Variants in MARCHF1 observed in about 807,000 individuals in gnomAD.
MARCHF1 encodes the protein membrane associated ring-CH-type finger 1, also known as E3 ubiquitin-protein ligase MARCHF1.
MARCHF1 carries 40 observed loss-of-function variants against 54.2 expected under a neutral mutation model. The observed-to-expected ratio is 0.74, with a 90% CI of 0.57 to 0.96. MARCHF1 has a LOEUF of 0.96. MARCHF1 is among the 40% of genes least tolerant of loss of function. The pLI is 0.00. For missense variants in MARCHF1, 586 were observed against 656.5 expected (o/e 0.89, Z 1.17); for synonymous variants, 236 against 236.3 (o/e 1.00, Z 0.01).
At chr4:164,183,338 T>A (rs1730883278) in intron 1 of MARCHF1, among the ~76,000 whole-genome samples, 1 of 152,202 alleles carries the variant, frequency 6.6e-6, no homozygotes, top group Admixed American at 6.5e-5. Context: ...GAATTATCTG[T>A]TCAAATCTTT....
rs540403807 is a variant in MARCHF1, at chr4:163,931,617, T to G, written c.-39+56884A>C. Among the ~76,000 whole-genome samples, 8 of 152,326 alleles carry G rather than the reference T, an allele frequency of 5.3e-5. No homozygotes were observed. In the South Asian group the frequency reaches 1.0e-3, roughly 20 times the overall value. The stretch of plus-strand genomic sequence containing the variant: ...CCAGAAAGAAATACATTTCCGTTGT[T>G]TATAAGCTACCAGGCTATGGTATTT... On this transcript the variant is annotated intron_variant, in intron 3 of 9. Coordinates refer to ENST00000514618, the MANE Select transcript of MARCHF1 (RefSeq NM_001394959.1).
rs576499336 is a variant in MARCHF1 at position 164,181,376 on chromosome 4, C to T, written c.-322-69714G>A. ...TCATATATATGTATACACACACAAG[C>T]GCATTATATTTGTACACTATGTATG... On this transcript the variant is annotated intron_variant, in intron 1 of 9. Coordinates refer to ENST00000514618, the MANE Select transcript of MARCHF1 (RefSeq NM_001394959.1). Among the ~76,000 whole-genome samples the T allele has an allele frequency of 2.2e-4, 34 of 152,128 alleles. 1 individual carries two copies. Among genetic ancestry groups the T allele is most frequent in the African/African-American group, 7.5e-4 (31 of 41,508 alleles).
At chr4:164,109,433 A>G (rs545742236) in intron 2 of MARCHF1, among the ~76,000 whole-genome samples, 1 of 152,162 alleles carries the variant, frequency 6.6e-6, no homozygotes, top group East Asian at 1.9e-4. Flanking sequence ...TACAAAACAA[A>G]GAATTGGCCA....
chr4:164,075,597 T>A (rs180688370), intron 2 of MARCHF1, among the ~76,000 whole-genome samples: 32 of 152,328 alleles, frequency 2.1e-4, no homozygotes, highest in Admixed American at 1.2e-3. Context: ...ACTGTGGTCG[T>A]TTGTTACATG....
intron 4 of MARCHF1, among the ~76,000 whole-genome samples, chr4:163,791,128 G>A (rs537762412): frequency 5.3e-4 from 80 of 152,210 alleles, no homozygotes; most frequent in African/African-American, 1.9e-3. Context: ...TTTACGGTAG[G>A]AGAACATTTA....
chr4:163,720,458 G>A (rs28861489), intron 4 of MARCHF1, among the ~76,000 whole-genome samples: 3,785 of 152,284 alleles, frequency 0.025, 160 homozygotes, highest in African/African-American at 0.085. Context: ...AAGTCAGGTA[G>A]TGTGATGCCT....
At chr4:164,118,907 A>G (rs1346475277) in intron 1 of MARCHF1, among the ~76,000 whole-genome samples, 1 of 151,252 alleles carries the variant, frequency 6.6e-6, no homozygotes, top group Non-Finnish European at 1.5e-5. Flanking sequence ...ACTACCATTA[A>G]AAATTACAAA....
intron 3 of MARCHF1, among the ~76,000 whole-genome samples, chr4:163,891,984 A>T (rs890949055): frequency 2.0e-5 from 3 of 152,188 alleles, no homozygotes; most frequent in African/African-American, 7.2e-5. Context: ...GGCACTAAAA[A>T]GTCTCAATAG....
chr4:163,732,580 C>T (rs916086196), intron 4 of MARCHF1, among the ~76,000 whole-genome samples: 6 of 152,134 alleles, frequency 3.9e-5, no homozygotes, highest in African/African-American at 1.2e-4. Flanking sequence ...TAAATTTTCT[C>T]AACCTAATAA....
intron 5 of MARCHF1, among the ~76,000 whole-genome samples, chr4:163,648,620 A>G (rs987391764): frequency 2.0e-5 from 3 of 151,422 alleles, no homozygotes; most frequent in African/African-American, 7.3e-5. Context: ...GCTAAAAAAA[A>G]AAAAAAAAAC....
rs1731324216 is a variant in MARCHF1 at position 164,197,808 on chromosome 4, A to AACC, written c.-322-86149_-322-86147dup. On this transcript the variant is annotated intron_variant, in intron 1 of 9. Coordinates refer to ENST00000514618, the MANE Select transcript of MARCHF1 (RefSeq NM_001394959.1). ...GCACGTTTTAGGACTTTGAAGACTC[A>AACC]ACCAGCTCCGCTCGGTTCTCGAGCC... is the stretch of plus-strand genomic sequence containing the variant. 54 of 1,578,332 alleles carry AACC rather than the reference A, an allele frequency of 3.4e-5. 1 individual carries two copies. The South Asian group carries it at 5.8e-4, about 17-fold the overall frequency.
chr4:164,014,190 CAAA>C (rs70948689), intron 2 of MARCHF1, among the ~76,000 whole-genome samples: 8 of 113,218 alleles, frequency 7.1e-5, no homozygotes, highest in Admixed American at 9.6e-5. Flanking sequence ...GACTGCATCT[CAAA>C]AAAAAAAAAA....
intron 1 of MARCHF1, among the ~76,000 whole-genome samples, chr4:164,115,777 G>C (rs780461067): frequency 5.9e-5 from 9 of 151,900 alleles, no homozygotes; most frequent in Non-Finnish European, 1.3e-4. Flanking sequence ...AAATTTTCCA[G>C]GAGATGAAAC....
In MARCHF1 at chr4:163,723,757, G is replaced by A. The variant is rs148143673; in HGVS notation, c.112-22894C>T. 7.7e-3 allele frequency among the ~76,000 whole-genome samples: 1,166 copies of A among 151,972 alleles called. 24 individuals carry two copies. Among genetic ancestry groups the A allele is most frequent in the East Asian group, 0.016 (85 of 5,172 alleles). Reference sequence around the variant, plus strand: ...CTTTTTTCTCTAAACTTCTCTTCTCGCTTCATTTCGTTCATTTGATCTTCA... The same window carrying A: ...CTTTTTTCTCTAAACTTCTCTTCTCACTTCATTTCGTTCATTTGATCTTCA... On this transcript the variant is annotated intron_variant, in intron 4 of 9. Coordinates refer to ENST00000514618, the MANE Select transcript of MARCHF1 (RefSeq NM_001394959.1).
intron 3 of MARCHF1, among the ~76,000 whole-genome samples, chr4:163,876,561 C>T (rs1297482190): frequency 1.3e-5 from 2 of 151,966 alleles, no homozygotes; most frequent in African/African-American, 2.4e-5. Flanking sequence ...ATTTTCCATA[C>T]AAATAATGCT....
intron 5 of MARCHF1, among the ~76,000 whole-genome samples, chr4:163,678,531 G>A (rs899924952): frequency 1.3e-4 from 20 of 152,242 alleles, no homozygotes; most frequent in African/African-American, 4.8e-4. Flanking sequence ...GGAAACAAAT[G>A]TCTTAAATCT....
chr4:163,829,693 T>C (rs1748962626), intron 4 of MARCHF1, among the ~76,000 whole-genome samples: 1 of 152,222 alleles, frequency 6.6e-6, no homozygotes. Context: ...TAAATAACAC[T>C]TAAATTTGTA....
chr4:163,557,413 G>A (rs1560940656), intron 8 of MARCHF1, among the ~76,000 whole-genome samples: 3 of 152,178 alleles, frequency 2.0e-5, no homozygotes, highest in Admixed American at 6.5e-5. Context: ...GCTTCAGGGG[G>A]ACTAAGAATC....
chr4:163,699,763 C>T (rs143702745), intron 5 of MARCHF1, among the ~76,000 whole-genome samples: 1 of 152,152 alleles, frequency 6.6e-6, no homozygotes, highest in Admixed American at 6.6e-5. Context: ...TCATTGTTTT[C>T]CATTTTGACA....
Sources: gnomAD v4.1 joint callset for allele counts (sites outside exome capture counted in the v4.1 genomes callset) on GRCh38, gnomAD v4.1.1 for gene constraint, MANE v1.5 for transcripts, NCBI Gene and HGNC (gene_info 2026-07-23, HGNC 2026-07-21) for gene names.